MIR2052HG: variants seen among roughly 807,000 people sequenced by gnomAD.
The protein encoded by MIR2052HG is MIR2052 host gene.
At chr8:74,602,834 TTTC>T (rs1808030250) in intron 1 of MIR2052HG, among the ~76,000 whole-genome samples, 5 of 135,546 alleles carry the variant, frequency 3.7e-5, no homozygotes, top group Non-Finnish European at 6.2e-5. Flanking sequence ...TCTTTCTTTC[TTTC>T]TTTCTTTCTT....
chr8:74,655,555 G>A (rs1808797894), intron 2 of MIR2052HG, among the ~76,000 whole-genome samples: 1 of 152,200 alleles, frequency 6.6e-6, no homozygotes, highest in South Asian at 2.1e-4. Flanking sequence ...CTTCCACATG[G>A]TGTTGAGACT....
intron 2 of MIR2052HG, among the ~76,000 whole-genome samples, chr8:74,643,535 C>T (rs570357365): frequency 1.3e-5 from 2 of 152,098 alleles, no homozygotes; most frequent in Admixed American, 6.6e-5. Flanking sequence ...TGTCAGCTAA[C>T]AAAATGCCTG....
rs541420523 is a variant in MIR2052HG at position 74,602,815 on chromosome 8, G to A, written n.128+2907G>A. On this transcript the variant is annotated intron_variant and non_coding_transcript_variant, in intron 1 of 6. Transcript: ENST00000523442. The stretch of plus-strand genomic sequence containing the variant: ...TGGATGTGAGCTGCCATGCCCGGCC[G>A]TGTTTCTTTCTTTCTTTCTTTCTTT... Among the ~76,000 whole-genome samples the A allele has an allele frequency of 3.5e-4, 8 of 22,556 alleles. No homozygotes were observed. The South Asian group carries it at 8.5e-3, about 24-fold the overall frequency. The allele number at this position is 22,556 out of a possible 152,430, so 14.8% of individuals were successfully genotyped here. A position where few individuals can be genotyped will look rare whatever the true frequency, so the allele number is the denominator to read the frequency against.
Position 74,620,178 on chromosome 8 carries a change from C to T in MIR2052HG, n.216+7238C>T, listed in dbSNP as rs546014875. ...GTTATGCTGATGCAAGAGGTGGGTT[C>T]CCGTGGTCTTAGGCAGCTCTGCCCC... On this transcript the variant is annotated intron_variant and non_coding_transcript_variant, in intron 2 of 6. Transcript: ENST00000523442. Among the ~76,000 whole-genome samples the T allele has an allele frequency of 4.3e-4, 66 of 152,314 alleles. No homozygotes were observed. The South Asian group carries it at 5.6e-3, about 13-fold the overall frequency.
intron 2 of MIR2052HG, among the ~76,000 whole-genome samples, chr8:74,685,559 A>C (rs1409642784): frequency 6.6e-6 from 1 of 152,118 alleles, no homozygotes; most frequent in Non-Finnish European, 1.5e-5. Flanking sequence ...GGTTTGGGTC[A>C]CATAACTTTT....
intron 2 of MIR2052HG, among the ~76,000 whole-genome samples, chr8:74,613,840 G>GT (rs1186986235): frequency 3.9e-5 from 6 of 151,902 alleles, no homozygotes; most frequent in Admixed American, 2.6e-4. Flanking sequence ...TGGTTTTGAG[G>GT]TTTTTTTTAA....
intron 1 of MIR2052HG, among the ~76,000 whole-genome samples, chr8:74,602,240 C>T (rs529296239): frequency 7.2e-5 from 11 of 152,308 alleles, no homozygotes; most frequent in African/African-American, 2.4e-4. Context: ...ATCATCCTCA[C>T]TGCTTATTAG....
At chr8:74,617,540 C>CAT (rs773905893) in intron 2 of MIR2052HG, among the ~76,000 whole-genome samples, 6 of 149,862 alleles carry the variant, frequency 4.0e-5, no homozygotes, top group Non-Finnish European at 7.4e-5. Context: ...GGTGTATATA[C>CAT]ATATATATAT....
rs369151592 is a variant in MIR2052HG, at chr8:74,634,800, G to A, written n.216+21860G>A. Among the ~76,000 whole-genome samples, 23 of 152,142 alleles carry A rather than the reference G, an allele frequency of 1.5e-4. 1 individual carries two copies. In the East Asian group the frequency reaches 3.3e-3, roughly 22 times the overall value. On this transcript the variant is annotated intron_variant and non_coding_transcript_variant, in intron 2 of 6. Coordinates refer to ENST00000523442, the Ensembl canonical transcript of MIR2052HG. ...GTATCGCAAGACAGAAACGGACAAC[G>A]AAATCTGAGGGGTCCATAGCTTTAT...
At chr8:74,675,688 T>C (rs1283881556) in intron 2 of MIR2052HG, among the ~76,000 whole-genome samples, 1 of 151,788 alleles carries the variant, frequency 6.6e-6, no homozygotes, top group African/African-American at 2.4e-5. Flanking sequence ...GGTATCTGAA[T>C]AAAAATAAGG....
intron 2 of MIR2052HG, among the ~76,000 whole-genome samples, chr8:74,617,463 G>C (rs947674223): frequency 7.6e-4 from 16 of 21,060 alleles, no homozygotes; most frequent in Non-Finnish European, 1.4e-3. Flanking sequence ...TTGGGTGTGT[G>C]TGTGTGTGTG....
At chr8:74,617,729 T>C (rs1586891140) in intron 2 of MIR2052HG, among the ~76,000 whole-genome samples, 1 of 152,318 alleles carries the variant, frequency 6.6e-6, no homozygotes, top group East Asian at 1.9e-4. Flanking sequence ...TACCCAGTAG[T>C]GAGATTGCTG....
At chr8:74,754,415 A>G (rs1338490364) in intron 5 of MIR2052HG, among the ~76,000 whole-genome samples, 1 of 152,170 alleles carries the variant, frequency 6.6e-6, no homozygotes, top group African/African-American at 2.4e-5. Flanking sequence ...GTGGCCAGCT[A>G]GTGTTTAATT....
intron 2 of MIR2052HG, among the ~76,000 whole-genome samples, chr8:74,630,579 G>A (rs1808496692): frequency 6.7e-6 from 1 of 149,846 alleles, no homozygotes; most frequent in Non-Finnish European, 1.5e-5. Context: ...AAACTTTGAT[G>A]ATAAGGAACT....
chr8:74,708,349 C>T (rs887767098), intron 4 of MIR2052HG, among the ~76,000 whole-genome samples: 11 of 152,144 alleles, frequency 7.2e-5, no homozygotes, highest in African/African-American at 2.7e-4. Flanking sequence ...GCGGGGCATT[C>T]CAGTCCAACA....
chr8:74,729,388 A>G (rs146731318), intron 4 of MIR2052HG, among the ~76,000 whole-genome samples: 50 of 152,304 alleles, frequency 3.3e-4, no homozygotes, highest in African/African-American at 1.2e-3. Flanking sequence ...ATTTTATGTA[A>G]CATTAACAAT....
chr8:74,705,287 AT>A (rs796634743), intron 4 of MIR2052HG, among the ~76,000 whole-genome samples: 147 of 151,486 alleles, frequency 9.7e-4, no homozygotes, highest in Middle Eastern at 3.4e-3. Context: ...CTTTGCAGAC[AT>A]TTTTTTTTCT....
At chr8:74,705,117 A>G (rs572200306) in intron 4 of MIR2052HG, among the ~76,000 whole-genome samples, 3 of 151,886 alleles carry the variant, frequency 2.0e-5, no homozygotes, top group African/African-American at 7.2e-5. Flanking sequence ...CAACTTTTGC[A>G]TCAGAGTTTG....
At chr8:74,731,556 A>G (rs1809692736) in intron 4 of MIR2052HG, among the ~76,000 whole-genome samples, 1 of 152,180 alleles carries the variant, frequency 6.6e-6, no homozygotes, top group Admixed American at 6.6e-5. Context: ...CACTCATCAT[A>G]TGAGGTACTG....
Sources: allele counts gnomAD v4.1 joint callset (sites outside exome capture counted in the v4.1 genomes callset), GRCh38; gene constraint gnomAD v4.1.1; transcripts MANE v1.5; gene names NCBI Gene and HGNC (gene_info 2026-07-23, HGNC 2026-07-21).